The following CDK5RAP2 variants were observed in gnomAD, a reference collection of about 807,000 sequenced individuals.
The protein encoded by CDK5RAP2 is CDK5 regulatory subunit associated protein 2, also known as CDK5 regulatory subunit-associated protein 2.
A neutral mutation model predicts 232.9 loss-of-function variants in CDK5RAP2; 147 were observed. The observed-to-expected ratio is 0.63, with a 90% CI of 0.55 to 0.72. The LOEUF (loss-of-function observed/expected upper bound fraction) is 0.72, where lower values mean the gene tolerates loss of function less well. Ranked by LOEUF, CDK5RAP2 falls within the 30% of genes least tolerant of loss-of-function variation. The pLI is 0.00. For synonymous variants in CDK5RAP2, 833 were observed against 833.7 expected (o/e 1.00, Z 0.01); for missense variants, 2,195 against 2,231.5 (o/e 0.98, Z 0.33).
intron 18 of CDK5RAP2, among the ~76,000 whole-genome samples, chr9:120,462,832 G>C (rs1422188842): frequency 6.6e-6 from 1 of 152,124 alleles, no homozygotes; most frequent in African/African-American, 2.4e-5. Context: ...GTGAACGCAG[G>C]CTTACAATTT....
At chr9:120,550,658 C>T in intron 4 of CDK5RAP2, 134 bp downstream of exon 4, 2 of 712,736 alleles carry the variant, frequency 2.8e-6, no homozygotes, top group Non-Finnish European at 5.2e-6. Context: ...TCTTTATGCT[C>T]CCCATAATCA....
At chr9:120,417,235 C>T (rs1335474273) in intron 27 of CDK5RAP2, among the ~76,000 whole-genome samples, 2 of 151,178 alleles carry the variant, frequency 1.3e-5, no homozygotes, top group Admixed American at 1.3e-4. Flanking sequence ...GCCCACGGCA[C>T]TGCACCTCTG....
At position 120,469,279 on chromosome 9, in the gene CDK5RAP2, G is replaced by T. The variant is rs532844760; in HGVS notation, c.1968+832C>A. ...GAAACCCACTTCAAGTCTCACTTCT[G>T]CTGAGAAGCCTCCCCTGATCAGGTG... On this transcript the variant is annotated intron_variant, in intron 17 of 37. Coordinates refer to ENST00000349780, the MANE Select transcript of CDK5RAP2 (RefSeq NM_018249.6). Among the ~76,000 whole-genome samples the T allele has an allele frequency of 5.9e-5, 9 of 152,214 alleles. No individual in the cohort carries two copies. In the East Asian group the frequency reaches 1.7e-3, roughly 29 times the overall value.
intron 20 of CDK5RAP2, among the ~76,000 whole-genome samples, chr9:120,456,651 T>G (rs2036794316): frequency 6.6e-6 from 1 of 152,208 alleles, no homozygotes; most frequent in African/African-American, 2.4e-5. Context: ...TTAAAATATT[T>G]CTGGCATTTC....
chr9:120,406,857 T>C (rs924620184), intron 32 of CDK5RAP2, 155 bp downstream of exon 32: 6 of 634,410 alleles, frequency 9.5e-6, no homozygotes, highest in South Asian at 1.9e-5. Context: ...CGCTAATTAA[T>C]TAGCAGTCAG....
intron 12 of CDK5RAP2, among the ~76,000 whole-genome samples, chr9:120,509,690 G>A (rs1588519456): frequency 6.6e-6 from 1 of 152,190 alleles, no homozygotes. Context: ...CATTTATGAT[G>A]TGTCAAGTAT....
At chr9:120,541,276 T>A (rs1291933032) in intron 5 of CDK5RAP2, among the ~76,000 whole-genome samples, 1 of 152,206 alleles carries the variant, frequency 6.6e-6, no homozygotes, top group Non-Finnish European at 1.5e-5. Flanking sequence ...TCAGCCCAGA[T>A]CTAACCTTTC....
intron 10 of CDK5RAP2, among the ~76,000 whole-genome samples, chr9:120,525,348 T>C (rs1381060335): frequency 6.6e-6 from 1 of 152,234 alleles, no homozygotes; most frequent in Non-Finnish European, 1.5e-5. Context: ...AATGAGGTAA[T>C]GTGCATCAGT....
chr9:120,391,062 C>T (rs2031914503), intron 36 of CDK5RAP2, among the ~76,000 whole-genome samples: 1 of 152,094 alleles, frequency 6.6e-6, no homozygotes, highest in Non-Finnish European at 1.5e-5. Context: ...CAGTCCTAAA[C>T]CCTCCGACAC....
At chr9:120,509,826 T>C (rs1194689136) in intron 12 of CDK5RAP2, among the ~76,000 whole-genome samples, 1 of 152,174 alleles carries the variant, frequency 6.6e-6, no homozygotes, top group Admixed American at 6.5e-5. Context: ...AACTAGTAAG[T>C]AATGGAGCCA....
chr9:120,453,543 T>C lies in CDK5RAP2; in HGVS notation c.2706A>G (p.Ala902=). 6.2e-7 allele frequency: 1 copy of C among 1,614,164 alleles called. No homozygotes were observed. Among genetic ancestry groups the C allele is most frequent in the Non-Finnish European group, 8.5e-7 (1 of 1,180,030 alleles). Residue 902 remains alanine, a synonymous_variant, in exon 21 of 38, where the codon GCA becomes GCG. Coordinates refer to ENST00000349780, the MANE Select transcript of CDK5RAP2 (RefSeq NM_018249.6). ...TCTCTGGCCGATGCTCTGCGCTGAG[T>C]GCAGTGTTGATCGGTTTCTCTTCCC... is the stretch of plus-strand genomic sequence containing the variant. ...EAWEEKPINT[A]LSAEHRPENL...
At chr9:120,570,930 G>A (rs939486560) in intron 2 of CDK5RAP2, among the ~76,000 whole-genome samples, 1 of 152,232 alleles carries the variant, frequency 6.6e-6, no homozygotes, top group Non-Finnish European at 1.5e-5. Flanking sequence ...GGGAAGCTGA[G>A]GCAGGTGGAT....
At chr9:120,571,565 G>A (rs751264577) in intron 2 of CDK5RAP2, among the ~76,000 whole-genome samples, 4 of 152,228 alleles carry the variant, frequency 2.6e-5, no homozygotes, top group Non-Finnish European at 4.4e-5. Context: ...GTAGGAATGC[G>A]GGGCCTCAGC....
At chr9:120,401,714 G>A (rs1276005187) in intron 34 of CDK5RAP2, among the ~76,000 whole-genome samples, 2 of 151,902 alleles carry the variant, frequency 1.3e-5, no homozygotes, top group East Asian at 1.9e-4. Context: ...GCTGGGTGCA[G>A]TGGCTCACGC....
intron 3 of CDK5RAP2, among the ~76,000 whole-genome samples, chr9:120,560,852 G>A (rs1228243371): frequency 6.6e-6 from 1 of 152,066 alleles, no homozygotes; most frequent in African/African-American, 2.4e-5. Context: ...CCTGACCCCA[G>A]GTGATATGCC....
At chr9:120,391,209 A>G (rs2131189812) in intron 36 of CDK5RAP2, among the ~76,000 whole-genome samples, 1 of 152,294 alleles carries the variant, frequency 6.6e-6, no homozygotes, top group South Asian at 2.1e-4. Context: ...GATGATTGTG[A>G]AAGAGCACTC....
chr9:120,507,458 C>T (rs1386257312), intron 12 of CDK5RAP2, among the ~76,000 whole-genome samples: 1 of 152,104 alleles, frequency 6.6e-6, no homozygotes, highest in Non-Finnish European at 1.5e-5. Context: ...TTTTACTCTA[C>T]CAGTGGTTTT....
intron 3 of CDK5RAP2, among the ~76,000 whole-genome samples, chr9:120,562,787 G>C (rs759426238): frequency 3.9e-5 from 6 of 151,920 alleles, no homozygotes; most frequent in Non-Finnish European, 5.9e-5. Context: ...CGCCCTGTTT[G>C]CTAAAGATCT....
chr9:120,432,713 T>G (rs897077376), intron 25 of CDK5RAP2, among the ~76,000 whole-genome samples: 1 of 152,212 alleles, frequency 6.6e-6, no homozygotes, highest in South Asian at 2.1e-4. Context: ...AAAGAATAAG[T>G]AGGCTCTCCT....
Sources: allele counts gnomAD v4.1 joint callset (sites outside exome capture counted in the v4.1 genomes callset), GRCh38; gene constraint gnomAD v4.1.1; transcripts MANE v1.5; gene names NCBI Gene and HGNC (gene_info 2026-07-23, HGNC 2026-07-21).